ADCY9: variants seen among roughly 807,000 people sequenced by gnomAD.
ADCY9 encodes the protein adenylate cyclase 9, also known as adenylate cyclase type 9.
ADCY9 carries 50 observed loss-of-function variants against 101.5 expected under a neutral mutation model. The ratio of observed to expected loss-of-function variants is 0.49; its 90% CI spans 0.39 to 0.62. The LOEUF is 0.62. ADCY9 is among the 20% of genes least tolerant of loss of function. The pLI, the probability that ADCY9 is intolerant of heterozygous loss-of-function variation, is 0.00. For missense variants in ADCY9, 1,662 were observed against 1,800.4 expected (o/e 0.92, Z 1.39); for synonymous variants, 905 against 769.3 (o/e 1.18, Z -2.92).
chr16:4,035,674 C>T (rs11865449), intron 2 of ADCY9, among the ~76,000 whole-genome samples: 46 of 152,064 alleles, frequency 3.0e-4, no homozygotes, highest in Non-Finnish European at 6.0e-4. Context: ...GTTTCATGCT[C>T]GACCTCCAGC....
chr16:3,961,489 C>T (rs1280625491), downstream of ADCY9, among the ~76,000 whole-genome samples: 2 of 151,578 alleles, frequency 1.3e-5, no homozygotes, highest in African/African-American at 4.8e-5. Flanking sequence ...TCTTACAAGA[C>T]CCTCAAGGCA....
At position 3,966,542 on chromosome 16, in the gene ADCY9, G is replaced by A. The variant is rs531124205; in HGVS notation, c.3295C>T (p.Pro1099Ser). 4 of 1,614,160 alleles carry A rather than the reference G, an allele frequency of 2.5e-6. No homozygotes were observed. Among genetic ancestry groups the A allele is most frequent in the East Asian group, 4.5e-5 (2 of 44,888 alleles). Reference sequence around the variant, plus strand: ...ATCTTCTCGATGCTGCTGTAGTCCGGCTTGCTTAGGAGCTCGTCAAAGTCC... The same window carrying A: ...ATCTTCTCGATGCTGCTGTAGTCCGACTTGCTTAGGAGCTCGTCAAAGTCC... ...IGDFDELLSK[P>S]DYSSIEKIKT... The change falls in exon 11 of 11, where the codon CCG (proline) becomes TCG (serine). Residue 1099 changes from proline (P) to serine (S), a missense_variant. Pro to Ser is a moderately conservative substitution (Grantham distance 74). Coordinates refer to ENST00000294016, the MANE Select transcript of ADCY9 (RefSeq NM_001116.4).
chr16:4,063,813 A>G (rs907694810), intron 2 of ADCY9, among the ~76,000 whole-genome samples: 1 of 152,198 alleles, frequency 6.6e-6, no homozygotes, highest in Non-Finnish European at 1.5e-5. Context: ...AATAAATACT[A>G]GACCAGAAAT....
chr16:4,040,948 G>GT (rs1013188452), intron 2 of ADCY9, among the ~76,000 whole-genome samples: 1 of 152,116 alleles, frequency 6.6e-6, no homozygotes. Flanking sequence ...ACATGGGAGG[G>GT]TGGAAACAGC....
chr16:4,064,157 A>G (rs1597203431), intron 2 of ADCY9, among the ~76,000 whole-genome samples: 2 of 152,364 alleles, frequency 1.3e-5, no homozygotes, highest in East Asian at 3.9e-4. Flanking sequence ...CAATCCAAAA[A>G]CAAAATTAAG....
chr16:4,003,823 C>G (rs1176126535), intron 3 of ADCY9, among the ~76,000 whole-genome samples: 1 of 152,108 alleles, frequency 6.6e-6, no homozygotes, highest in African/African-American at 2.4e-5. Flanking sequence ...CTCCGCGACG[C>G]TGACAGTGGC....
chr16:3,966,818 G>A lies in ADCY9; in HGVS notation c.3019C>T (p.His1007Tyr), dbSNP rs1171333142. Residue 1007 changes from histidine to tyrosine, a missense_variant, in exon 11 of 11, where the codon CAC (histidine) becomes TAC (tyrosine). His to Tyr is a moderately conservative substitution (Grantham distance 83). Coordinates refer to ENST00000294016, the MANE Select transcript of ADCY9 (RefSeq NM_001116.4). ...TCCGCTTCCACGTCTCCGTGGTAGT[G>A]GAGGCGGTAGCTGACTTCAAATTCG... The part of the protein sequence containing the change: ...NREFEVSYRL[H>Y]YHGDVEADLH... 1 of 1,614,210 alleles carries A rather than the reference G, an allele frequency of 6.2e-7. No homozygotes were observed. Among genetic ancestry groups the A allele is most frequent in the Non-Finnish European group, 8.5e-7 (1 of 1,180,052 alleles).
chr16:4,098,532 C>A (rs1187507974), intron 2 of ADCY9, among the ~76,000 whole-genome samples: 1 of 152,096 alleles, frequency 6.6e-6, no homozygotes, highest in African/African-American at 2.4e-5. Context: ...CTGTGTCTGG[C>A]CTGTAATATT....
chr16:4,008,132 C>A (rs552134837), intron 2 of ADCY9, among the ~76,000 whole-genome samples: 2 of 152,156 alleles, frequency 1.3e-5, no homozygotes, highest in South Asian at 2.1e-4. Flanking sequence ...CAAACACTCA[C>A]CCCAGGAACA....
chr16:4,000,968 T>TACACACACAC (rs141254290), intron 3 of ADCY9, among the ~76,000 whole-genome samples: 15,771 of 124,982 alleles, frequency 0.13, 1,098 homozygotes, highest in South Asian at 0.18. Flanking sequence ...TCCCTCTCTC[T>TACACACACAC]ACACACACAC....
downstream of ADCY9, among the ~76,000 whole-genome samples, chr16:3,962,293 T>C (rs901370120): frequency 1.1e-4 from 16 of 152,302 alleles, no homozygotes; most frequent in Admixed American, 7.9e-4. Context: ...GAAAACCTAC[T>C]TTTTCCCCCT....
chr16:4,108,103 C>T (rs1409307143), intron 2 of ADCY9, among the ~76,000 whole-genome samples: 8 of 152,278 alleles, frequency 5.3e-5, no homozygotes, highest in Non-Finnish European at 8.8e-5. Flanking sequence ...TGGATGAGAG[C>T]GGAGGAGCAT....
intron 2 of ADCY9, among the ~76,000 whole-genome samples, chr16:4,045,335 G>A (rs906857753): frequency 2.0e-5 from 3 of 151,926 alleles, no homozygotes; most frequent in Admixed American, 1.3e-4. Context: ...GGTGGTTCAC[G>A]CCTGTAATCC....
chr16:4,023,892 G>A (rs533446996), intron 2 of ADCY9, among the ~76,000 whole-genome samples: 18 of 152,088 alleles, frequency 1.2e-4, no homozygotes, highest in Non-Finnish European at 2.2e-4. Flanking sequence ...CCTGGGGGAC[G>A]GTAGGAGACT....
At chr16:4,049,907 T>C (rs2056689784) in intron 2 of ADCY9, among the ~76,000 whole-genome samples, 1 of 152,070 alleles carries the variant, frequency 6.6e-6, no homozygotes, top group African/African-American at 2.4e-5. Flanking sequence ...GGTGTACACC[T>C]GTAGTCCCTG....
intron 2 of ADCY9, among the ~76,000 whole-genome samples, chr16:4,097,487 T>TATATAC (rs76750792): frequency 7.2e-4 from 52 of 72,500 alleles, no homozygotes; most frequent in African/African-American, 1.8e-3. Context: ...TATATATATA[T>TATATAC]ACACACACAC....
At chr16:4,100,361 ACT>A (rs2057034588) in intron 2 of ADCY9, among the ~76,000 whole-genome samples, 1 of 151,646 alleles carries the variant, frequency 6.6e-6, no homozygotes, top group Non-Finnish European at 1.5e-5. Context: ...ATGGGGTCTC[ACT>A]CTGTTGCCCA....
At chr16:4,112,233 C>T (rs900966313) in intron 2 of ADCY9, among the ~76,000 whole-genome samples, 3 of 152,250 alleles carry the variant, frequency 2.0e-5, no homozygotes, top group African/African-American at 7.2e-5. Context: ...GAAAGACACT[C>T]ATCACGGCAG....
chr16:4,114,331 T>C lies in ADCY9; in HGVS notation c.1112A>G (p.Lys371Arg). The change falls in exon 2 of 11, where the codon AAA becomes AGA. Residue 371 changes from lysine to arginine, a missense_variant. By Grantham distance (26) the Lys-to-Arg change is conservative. Coordinates refer to ENST00000294016, the MANE Select transcript of ADCY9 (RefSeq NM_001116.4). The surrounding 1 kb of genome is among the most constrained non-coding windows in gnomAD (Gnocchi z 4.3). ...AGGAGCTTTTTGGATGGAAGACTTTTTCTTCCTGTTCTTGGGGCTCGAGGT... is the reference window on the plus strand; with the variant it reads ...AGGAGCTTTTTGGATGGAAGACTTTCTCTTCCTGTTCTTGGGGCTCGAGGT... ...HATSSPKNRKKKSSIQKAPIA... is the reference protein window; with the variant it reads ...HATSSPKNRKRKSSIQKAPIA... The C allele has an allele frequency of 6.2e-7, 1 of 1,613,908 alleles. No homozygotes were observed. Among genetic ancestry groups the C allele is most frequent in the South Asian group, 1.1e-5 (1 of 91,082 alleles).
Sources: allele counts gnomAD v4.1 joint callset (sites outside exome capture counted in the v4.1 genomes callset), GRCh38; gene constraint gnomAD v4.1.1; non-coding constraint Gnocchi (gnomAD v3.1); transcripts MANE v1.5; gene names NCBI Gene and HGNC (gene_info 2026-07-23, HGNC 2026-07-21).